The following RBFOX2 variants were observed in gnomAD, a reference collection of about 807,000 sequenced individuals.
The protein encoded by RBFOX2 is RNA binding fox-1 homolog 2.
A neutral mutation model predicts 49.1 loss-of-function variants in RBFOX2; 10 were observed. That is an observed-to-expected ratio of 0.20 (90% CI 0.13 to 0.35). The LOEUF is 0.35. RBFOX2 is among the 10% of genes least tolerant of loss of function. The pLI, the probability that RBFOX2 is intolerant of heterozygous loss-of-function variation, is 1.00. For missense variants in RBFOX2, 323 were observed against 486.9 expected, an observed-to-expected ratio of 0.66 and a Z score of 3.17; for synonymous variants, 183 against 187.4, an observed-to-expected ratio of 0.98 and a Z score of 0.19.
chr22:35,879,631 T>A (rs2045609364), intron 1 of RBFOX2, among the ~76,000 whole-genome samples: 1 of 152,212 alleles, frequency 6.6e-6, no homozygotes, highest in African/African-American at 2.4e-5. Flanking sequence ...GTCAAACAAG[T>A]ACCTAGGAGC....
intron 2 of RBFOX2, among the ~76,000 whole-genome samples, chr22:35,784,766 G>T (rs1029619201): frequency 6.6e-6 from 1 of 152,220 alleles, no homozygotes; most frequent in Non-Finnish European, 1.5e-5. Flanking sequence ...GGTGGCCCAT[G>T]GGCTTTTGCC....
At chr22:35,793,188 G>A (rs1461416327) in intron 2 of RBFOX2, among the ~76,000 whole-genome samples, 2 of 152,200 alleles carry the variant, frequency 1.3e-5, no homozygotes, top group African/African-American at 2.4e-5. Context: ...CCTGGCCAAC[G>A]TGGTGAAACC....
At chr22:35,852,974 GA>G (rs1171653949) in intron 1 of RBFOX2, among the ~76,000 whole-genome samples, 1 of 152,088 alleles carries the variant, frequency 6.6e-6, no homozygotes, top group African/African-American at 2.4e-5. Context: ...CATACAAGGT[GA>G]AAAGATACGA....
At chr22:35,996,569 C>G (rs1394781647) in intron 1 of RBFOX2, 1 of 148,054 alleles carries the variant, frequency 6.8e-6, no homozygotes, top group Non-Finnish European at 1.5e-5. Context: ...TGTGCCACTA[C>G]ACTCCAGCCT....
intron 1 of RBFOX2, among the ~76,000 whole-genome samples, chr22:36,025,167 A>G (rs552009293): frequency 6.6e-6 from 1 of 152,148 alleles, no homozygotes; most frequent in Non-Finnish European, 1.5e-5. Flanking sequence ...CACTGATACC[A>G]TCTCCTAAGA....
At chr22:35,934,922 C>G (rs1043913724) in intron 1 of RBFOX2, among the ~76,000 whole-genome samples, 3 of 152,040 alleles carry the variant, frequency 2.0e-5, no homozygotes, top group African/African-American at 7.2e-5. Flanking sequence ...AATCTAAAAT[C>G]CTGCCTGGGT....
At chr22:35,864,250 T>A (rs2043419389) in intron 1 of RBFOX2, among the ~76,000 whole-genome samples, 1 of 152,196 alleles carries the variant, frequency 6.6e-6, no homozygotes. Context: ...ACTTTTTATA[T>A]CTAGGAATCT....
In RBFOX2 at chr22:35,749,163, A is replaced by G. The variant is rs1186464245; in HGVS notation, c.888-2602T>C. On this transcript the variant is annotated intron_variant, in intron 9 of 11. Transcript: ENST00000405409. This position sits in a 1 kb window ranked among gnomAD's most constrained non-coding sequence, Gnocchi z 4.1. ...CTATCTGTAGCGGTTTCCTTCTTTG[A>G]TAAGTCAAGTCTGACTTTGAAGTTT... Among the ~76,000 whole-genome samples, 2 of 152,220 alleles carry G rather than the reference A, an allele frequency of 1.3e-5. No individual in the cohort carries two copies. Among genetic ancestry groups the G allele is most frequent in the African/African-American group, 2.4e-5 (1 of 41,452 alleles).
rs774768053 is a variant in RBFOX2, at chr22:35,938,813, T to C, written c.-34+34A>G. On this transcript the variant is annotated intron_variant, in intron 1 of 13. Transcript: ENST00000359369. ...CCTTTGATGAAACACACCACACACA[T>C]ACATCATCTGAGTTACAAACAGCAG... is the stretch of plus-strand genomic sequence containing the variant. The C allele has an allele frequency of 2.5e-6, 4 of 1,586,942 alleles. No homozygotes were observed. In the East Asian group the frequency reaches 6.7e-5, roughly 27 times the overall value.
chr22:35,908,300 C>T (rs1040162796), intron 1 of RBFOX2, among the ~76,000 whole-genome samples: 1 of 152,150 alleles, frequency 6.6e-6, no homozygotes, highest in Admixed American at 6.5e-5. Flanking sequence ...GGGATTTTGT[C>T]CCTATAAACT....
intron 3 of RBFOX2, among the ~76,000 whole-genome samples, chr22:35,779,359 G>GA (rs538979089): frequency 7.2e-5 from 11 of 151,738 alleles, no homozygotes; most frequent in South Asian, 6.3e-4. Context: ...TGGGAAATGT[G>GA]AAAAAAAACT....
intron 1 of RBFOX2, among the ~76,000 whole-genome samples, chr22:35,884,783 C>A (rs2046359106): frequency 6.6e-6 from 1 of 152,176 alleles, no homozygotes; most frequent in African/African-American, 2.4e-5. Flanking sequence ...TAGGGACCAT[C>A]TTAGATGCTG....
intron 1 of RBFOX2, among the ~76,000 whole-genome samples, chr22:35,907,928 T>C (rs2049308443): frequency 6.6e-6 from 1 of 152,154 alleles, no homozygotes. Flanking sequence ...ATTACAGGTG[T>C]GAGCCACTGT....
intron 1 of RBFOX2, among the ~76,000 whole-genome samples, chr22:35,969,321 C>A (rs1481173815): frequency 6.6e-6 from 1 of 152,016 alleles, no homozygotes; most frequent in Non-Finnish European, 1.5e-5. Context: ...GCCTGTAATC[C>A]CAGCACTTTG....
chr22:35,859,434 T>C (rs976511278), intron 1 of RBFOX2, among the ~76,000 whole-genome samples: 1 of 151,916 alleles, frequency 6.6e-6, no homozygotes, highest in Non-Finnish European at 1.5e-5. Context: ...CATGGAAGAG[T>C]TCTATTGATT....
chr22:36,027,334 C>T (rs936777775), intron 1 of RBFOX2, among the ~76,000 whole-genome samples: 1 of 152,126 alleles, frequency 6.6e-6, no homozygotes, highest in Non-Finnish European at 1.5e-5. Flanking sequence ...AGGTGAGACT[C>T]ATCATGTCAT....
exon 12 of RBFOX2, chr22:35,742,168 C>A (rs921256384): frequency 6.6e-6 from 1 of 152,152 alleles, no homozygotes; most frequent in Admixed American, 6.5e-5. Context: ...GGTGGGGGGA[C>A]CCTTAAAAAT....
chr22:35,857,468 G>A (rs527358185), intron 1 of RBFOX2, among the ~76,000 whole-genome samples: 1 of 152,314 alleles, frequency 6.6e-6, no homozygotes, highest in African/African-American at 2.4e-5. Context: ...TCTAATTCTA[G>A]CTAACTAGCC....
intron 1 of RBFOX2, among the ~76,000 whole-genome samples, chr22:35,853,994 T>A (rs1262304980): frequency 1.3e-5 from 2 of 152,242 alleles, no homozygotes; most frequent in Middle Eastern, 3.4e-3. Flanking sequence ...GTGGATCACC[T>A]GAGGTCAGGT....
Sources: gnomAD v4.1 joint callset for allele counts (sites outside exome capture counted in the v4.1 genomes callset) on GRCh38, gnomAD v4.1.1 for gene constraint, Gnocchi (gnomAD v3.1) non-coding constraint, MANE v1.5 for transcripts, NCBI Gene and HGNC (gene_info 2026-07-23, HGNC 2026-07-21) for gene names.